The following ADAMTS20 variants were observed in gnomAD, a reference collection of about 807,000 sequenced individuals.
ADAMTS20 encodes the protein ADAM metallopeptidase with thrombospondin type 1 motif 20.
In ADAMTS20, 225 loss-of-function variants were observed where a neutral mutation model predicts 260.1. That is an observed-to-expected ratio of 0.87 (90% CI 0.78 to 0.97). The LOEUF is 0.97. ADAMTS20 is among the 50% of genes least tolerant of loss of function. The pLI is 0.00. For synonymous variants in ADAMTS20, 802 were observed against 769.5 expected, an observed-to-expected ratio of 1.04 and a Z score of -0.70; for missense variants, 2,400 against 2,337.7, an observed-to-expected ratio of 1.03 and a Z score of -0.55.
intron 29 of ADAMTS20, among the ~76,000 whole-genome samples, chr12:43,392,785 G>T (rs898364296): frequency 6.6e-6 from 1 of 151,806 alleles, no homozygotes; most frequent in Non-Finnish European, 1.5e-5. Flanking sequence ...AGTTCTAGGG[G>T]GTCTCCTCTT....
Position 43,373,389 on chromosome 12 carries a change from A to C in ADAMTS20, c.5446+1990T>G, listed in dbSNP as rs149420888. On this transcript the variant is annotated intron_variant, in intron 36 of 38. Coordinates refer to ENST00000389420, the MANE Select transcript of ADAMTS20 (RefSeq NM_025003.5). ...CATCATTAAATAATAACCAATATTT[A>C]TAGAGCATGTACTCTATCAGGGATG... 9.8e-5 allele frequency among the ~76,000 whole-genome samples: 15 copies of C among 152,342 alleles called. No homozygotes were observed. The East Asian group carries it at 2.9e-3, about 29-fold the overall frequency.
Position 43,459,234 on chromosome 12 carries a change from G to A in ADAMTS20, c.1614+3661C>T, listed in dbSNP as rs1055500142. Among the ~76,000 whole-genome samples, 16 of 152,226 alleles carry A rather than the reference G, an allele frequency of 1.1e-4. No homozygotes were observed. In the East Asian group the frequency reaches 1.7e-3, roughly 17 times the overall value. ...ACTTCCATCCCTCCGGATCCAACAG[G>A]GTGTCTGCTGTGCTCCTGATCCAGC... On this transcript the variant is annotated intron_variant, in intron 11 of 38. Transcript: ENST00000389420.
chr12:43,470,579 T>C (rs1041680330), intron 7 of ADAMTS20, among the ~76,000 whole-genome samples: 4 of 152,152 alleles, frequency 2.6e-5, no homozygotes, highest in Non-Finnish European at 5.9e-5. Context: ...AGTTTAAAGA[T>C]AGAATAAGGC....
chr12:43,510,335 C>T (rs1017444659), intron 3 of ADAMTS20, among the ~76,000 whole-genome samples: 3 of 150,950 alleles, frequency 2.0e-5, no homozygotes, highest in African/African-American at 7.3e-5. Flanking sequence ...CATCTCGGTG[C>T]CCTTTAAATT....
chr12:43,435,724 C>A (rs1233403426), intron 18 of ADAMTS20, among the ~76,000 whole-genome samples: 1 of 142,364 alleles, frequency 7.0e-6, no homozygotes, highest in East Asian at 2.0e-4. Context: ...ATACAGATAC[C>A]AAGTTGGAGT....
chr12:43,439,804 A>T (rs1204186996), intron 17 of ADAMTS20, 53 bp from the exon 18 acceptor site: 8 of 1,557,508 alleles, frequency 5.1e-6, no homozygotes, highest in Non-Finnish European at 7.0e-6. Flanking sequence ...TATATTCTTG[A>T]CATCATTTTA....
intron 22 of ADAMTS20, among the ~76,000 whole-genome samples, chr12:43,430,775 CTAAA>C (rs952639320): frequency 1.1e-4 from 16 of 152,062 alleles, no homozygotes; most frequent in Non-Finnish European, 1.5e-5. Flanking sequence ...TTTAAGGAAA[CTAAA>C]TATTTTTCAA....
intron 3 of ADAMTS20, among the ~76,000 whole-genome samples, chr12:43,503,282 GA>G: frequency 6.6e-6 from 1 of 152,068 alleles, no homozygotes; most frequent in Non-Finnish European, 1.5e-5. Context: ...ATTTTCAATA[GA>G]AAAGCGGACC....
chr12:43,356,833 T>G (rs1939756456), intron 37 of ADAMTS20, among the ~76,000 whole-genome samples: 1 of 152,254 alleles, frequency 6.6e-6, no homozygotes, highest in Non-Finnish European at 1.5e-5. Context: ...TTAACATTTC[T>G]ACACGTTCCA....
At chr12:43,414,123 T>A (rs1941086034) in intron 28 of ADAMTS20, among the ~76,000 whole-genome samples, 1 of 152,180 alleles carries the variant, frequency 6.6e-6, no homozygotes, top group African/African-American at 2.4e-5. Flanking sequence ...TAACATTTTT[T>A]AAAAGGAGAA....
chr12:43,501,308 C>T (rs1044721472), intron 4 of ADAMTS20, among the ~76,000 whole-genome samples: 15 of 151,906 alleles, frequency 9.9e-5, no homozygotes, highest in African/African-American at 3.6e-4. Context: ...GATCCTCCCG[C>T]CTCAGCCTCC....
At chr12:43,479,101 A>C (rs1942402796) in intron 7 of ADAMTS20, among the ~76,000 whole-genome samples, 1 of 152,206 alleles carries the variant, frequency 6.6e-6, no homozygotes, top group African/African-American at 2.4e-5. Context: ...ATTTATTATG[A>C]GTGACAACAG....
At chr12:43,550,551 C>T (rs1943497826) in intron 2 of ADAMTS20, among the ~76,000 whole-genome samples, 1 of 152,136 alleles carries the variant, frequency 6.6e-6, no homozygotes, top group Non-Finnish European at 1.5e-5. Flanking sequence ...GATTCTGCCT[C>T]AATAGGACCA....
At chr12:43,506,167 G>A (rs1942838888) in intron 3 of ADAMTS20, among the ~76,000 whole-genome samples, 1 of 150,300 alleles carries the variant, frequency 6.7e-6, no homozygotes, top group African/African-American at 2.4e-5. Flanking sequence ...ACAAAGGAAG[G>A]ACATGCTGTG....
At chr12:43,434,107 G>A (rs1941503411) in intron 19 of ADAMTS20, 138 bp downstream of exon 19, 1 of 910,726 alleles carries the variant, frequency 1.1e-6, no homozygotes. Flanking sequence ...CCATAAAATA[G>A]TGAGCCTGAA....
chr12:43,477,645 G>T (rs1942379366), intron 7 of ADAMTS20, among the ~76,000 whole-genome samples: 1 of 151,978 alleles, frequency 6.6e-6, no homozygotes, highest in South Asian at 2.1e-4. Context: ...TCTCTTCTTT[G>T]TCTCTTTCTT....
intron 14 of ADAMTS20, among the ~76,000 whole-genome samples, chr12:43,451,106 G>A (rs937368429): frequency 6.6e-6 from 1 of 152,174 alleles, no homozygotes; most frequent in African/African-American, 2.4e-5. Flanking sequence ...CCATAAAGAA[G>A]AGGAAACCTT....
chr12:43,389,667 T>G (rs1210750773), intron 29 of ADAMTS20, among the ~76,000 whole-genome samples: 1 of 151,896 alleles, frequency 6.6e-6, no homozygotes, highest in Non-Finnish European at 1.5e-5. Flanking sequence ...TGGCATCAGC[T>G]TAGTGGGGAC....
intron 10 of ADAMTS20, among the ~76,000 whole-genome samples, chr12:43,463,377 G>A (rs1942099352): frequency 1.3e-5 from 2 of 152,084 alleles, no homozygotes; most frequent in African/African-American, 4.8e-5. Context: ...ATAGTGGAAT[G>A]TATGAATAAT....
Sources: gnomAD v4.1 joint callset for allele counts (sites outside exome capture counted in the v4.1 genomes callset) on GRCh38, gnomAD v4.1.1 for gene constraint, MANE v1.5 for transcripts, NCBI Gene and HGNC (gene_info 2026-07-23, HGNC 2026-07-21) for gene names.